The following TPRG1 variants were observed in gnomAD, a reference collection of about 807,000 sequenced individuals.
TPRG1 encodes tumor protein p63-regulated gene 1 protein.
A neutral mutation model predicts 29.3 loss-of-function variants in TPRG1; 29 were observed. That is an observed-to-expected ratio of 0.99 (90% CI 0.74 to 1.35). The LOEUF is 1.35. Among genes scored for constraint, TPRG1 ranks in the 40% most tolerant of loss-of-function variants. The pLI is 0.00. For missense variants in TPRG1, 327 were observed against 335.0 expected (o/e 0.98, Z 0.19); for synonymous variants, 130 against 116.8 (o/e 1.11, Z -0.73).
intron 4 of TPRG1, among the ~76,000 whole-genome samples, chr3:189,066,119 T>C (rs749487607): frequency 6.6e-6 from 1 of 152,044 alleles, no homozygotes; most frequent in Non-Finnish European, 1.5e-5. Context: ...GTTTAAGCCA[T>C]GAAGAAATGC....
intron 2 of TPRG1, among the ~76,000 whole-genome samples, chr3:189,214,881 A>C (rs548351839): frequency 1.3e-4 from 20 of 151,858 alleles, no homozygotes; most frequent in Non-Finnish European, 2.6e-4. Flanking sequence ...AGTCAGCTAA[A>C]ATTTATTGTC....
Position 189,246,290 on chromosome 3 carries a change from G to A in TPRG1, c.479+7381G>A, listed in dbSNP as rs77213237. Among the ~76,000 whole-genome samples, 353 of 152,248 alleles carry A rather than the reference G, an allele frequency of 2.3e-3. 2 individuals are homozygous for A. Among genetic ancestry groups the A allele is most frequent in the South Asian group, 0.017 (80 of 4,826 alleles). Reference sequence around the variant, plus strand: ...AAGGCCTCCCCAGCCACTTAGAACCGTGAGTCCATTAAACTTTTTTCTTTA... The same window carrying A: ...AAGGCCTCCCCAGCCACTTAGAACCATGAGTCCATTAAACTTTTTTCTTTA... On this transcript the variant is annotated intron_variant, in intron 4 of 5. Transcript: ENST00000345063.
chr3:189,189,376 T>G (rs555029341), intron 1 of TPRG1, among the ~76,000 whole-genome samples: 81 of 152,314 alleles, frequency 5.3e-4, no homozygotes, highest in Middle Eastern at 3.4e-3. Flanking sequence ...TACATTTAGA[T>G]AGTTGTCAAT....
intron 2 of TPRG1, among the ~76,000 whole-genome samples, chr3:189,215,067 A>G (rs1735856784): frequency 6.6e-6 from 1 of 151,978 alleles, no homozygotes; most frequent in South Asian, 2.1e-4. Context: ...TCTGAGTAAG[A>G]TTATAGAAGA....
intron 5 of TPRG1, among the ~76,000 whole-genome samples, chr3:189,165,143 C>A (rs1382727391): frequency 6.6e-6 from 1 of 152,072 alleles, no homozygotes; most frequent in African/African-American, 2.4e-5. Flanking sequence ...GGTAATGAAA[C>A]TTTGAGTTTA....
chr3:189,127,421 A>G (rs1722611979), intron 2 of TPRG1, among the ~76,000 whole-genome samples: 1 of 152,190 alleles, frequency 6.6e-6, no homozygotes, highest in African/African-American at 2.4e-5. Context: ...ACAAATGGAA[A>G]CTATTGACAC....
chr3:189,231,520 T>C (rs974007532), intron 3 of TPRG1, among the ~76,000 whole-genome samples: 12 of 152,102 alleles, frequency 7.9e-5, no homozygotes, highest in African/African-American at 2.9e-4. Context: ...CCAACAATAT[T>C]TGAACATTTT....
chr3:189,051,100 A>T (rs1021381154), intron 4 of TPRG1, among the ~76,000 whole-genome samples: 1 of 152,204 alleles, frequency 6.6e-6, no homozygotes, highest in African/African-American at 2.4e-5. Flanking sequence ...CAGACAAGAG[A>T]AAGAAATAAA....
At chr3:189,008,085 G>GAA (rs34598292) in intron 3 of TPRG1, among the ~76,000 whole-genome samples, 1 of 147,152 alleles carries the variant, frequency 6.8e-6, no homozygotes, top group African/African-American at 2.5e-5. Context: ...AAACGTTCTA[G>GAA]AAAAAAAAAA....
intron 4 of TPRG1, among the ~76,000 whole-genome samples, chr3:189,254,543 C>T (rs1711510372): frequency 6.6e-6 from 1 of 151,992 alleles, no homozygotes; most frequent in African/African-American, 2.4e-5. Context: ...TGTATTTTTT[C>T]CTAATTCTCT....
At chr3:189,087,519 C>T (rs1019962666) in intron 4 of TPRG1, among the ~76,000 whole-genome samples, 4 of 152,070 alleles carry the variant, frequency 2.6e-5, no homozygotes, top group Non-Finnish European at 5.9e-5. Context: ...AATTGGATCC[C>T]GTTTGTCAAT....
chr3:189,024,313 G>T (rs933877778), intron 4 of TPRG1, among the ~76,000 whole-genome samples: 5 of 151,952 alleles, frequency 3.3e-5, no homozygotes, highest in Non-Finnish European at 7.4e-5. Context: ...CTGGGGAACC[G>T]CCTCTGCCCT....
chr3:189,155,521 A>C (rs753046559), intron 5 of TPRG1, among the ~76,000 whole-genome samples: 3 of 152,106 alleles, frequency 2.0e-5, no homozygotes, highest in Admixed American at 6.5e-5. Context: ...AGAAAAAACA[A>C]GCAGAGTTAG....
chr3:189,017,363 G>A (rs951123295), intron 3 of TPRG1, among the ~76,000 whole-genome samples: 16 of 151,912 alleles, frequency 1.1e-4, no homozygotes, highest in Admixed American at 2.6e-4. Flanking sequence ...ATATCTCCCA[G>A]TGCTATCCCT....
chr3:189,314,307 T>C (rs1426986652), intron 5 of TPRG1, among the ~76,000 whole-genome samples: 1 of 152,116 alleles, frequency 6.6e-6, no homozygotes, highest in Non-Finnish European at 1.5e-5. Flanking sequence ...AGGTTTGAGA[T>C]TACACAACAT....
intron 4 of TPRG1, among the ~76,000 whole-genome samples, chr3:189,085,384 A>T (rs1717862146): frequency 6.6e-6 from 1 of 152,086 alleles, no homozygotes; most frequent in African/African-American, 2.4e-5. Flanking sequence ...AAAGGGAAAG[A>T]TGGCTGGCGG....
chr3:189,024,129 C>G (rs1713526376), intron 4 of TPRG1, among the ~76,000 whole-genome samples: 1 of 152,274 alleles, frequency 6.6e-6, no homozygotes, highest in Non-Finnish European at 1.5e-5. Flanking sequence ...GGTGGCCCAC[C>G]CTGCCCTCCA....
intron 4 of TPRG1, among the ~76,000 whole-genome samples, chr3:189,064,503 G>A (rs1178362337): frequency 6.6e-6 from 1 of 151,936 alleles, no homozygotes; most frequent in Non-Finnish European, 1.5e-5. Context: ...TACATCCGAA[G>A]CAAGCATAAG....
intron 1 of TPRG1, among the ~76,000 whole-genome samples, chr3:189,184,235 G>C (rs1475076892): frequency 6.6e-6 from 1 of 152,152 alleles, no homozygotes; most frequent in Non-Finnish European, 1.5e-5. Context: ...TCTGTCAAAT[G>C]AGGATAATTA....
Sources: allele counts gnomAD v4.1 joint callset (sites outside exome capture counted in the v4.1 genomes callset), GRCh38; gene constraint gnomAD v4.1.1; transcripts MANE v1.5; gene names NCBI Gene and HGNC (gene_info 2026-07-23, HGNC 2026-07-21).